ZNF138: variants seen among roughly 807,000 people sequenced by gnomAD.
ZNF138 encodes the protein zinc finger protein 138 (clone pHZ-32).
A neutral mutation model predicts 33.0 loss-of-function variants in ZNF138; 33 were observed. The ratio of observed to expected loss-of-function variants is 1.00; its 90% confidence interval spans 0.76 to 1.34. The LOEUF (loss-of-function observed/expected upper bound fraction) is 1.34, where lower values mean the gene tolerates loss of function less well. Among genes scored for constraint, ZNF138 ranks in the 40% most tolerant of loss-of-function variants. The pLI, the probability that ZNF138 is intolerant of heterozygous loss-of-function variation, is 0.00. For synonymous variants in ZNF138, 139 were observed against 120.4 expected (o/e 1.15, Z -1.01); for missense variants, 360 against 370.8 (o/e 0.97, Z 0.24).
Position 64,832,950 on chromosome 7 carries a change from T to C in ZNF138, c.*748T>C. On this transcript the variant is annotated 3_prime_UTR_variant, in exon 4 of 4. Coordinates refer to ENST00000307355, the MANE Select transcript of ZNF138 (RefSeq NM_001271639.2). ...TGAACGATGTGGCAGTTGTTTTAAC[T>C]AGTTCTCGAACTTTACTATGCATAA... The C allele has an allele frequency of 2.6e-6, 1 of 389,380 alleles. No homozygotes were observed. Among genetic ancestry groups the C allele is most frequent in the South Asian group, 2.1e-5 (1 of 48,720 alleles). 24.1% of individuals were successfully genotyped at this position (389,380 alleles called of 1,614,324 possible). A position where few individuals can be genotyped will look rare whatever the true frequency, so the allele number is the denominator to read the frequency against.
In ZNF138 at chr7:64,813,805, G is replaced by A. The variant is rs535560635; in HGVS notation, c.4-1113G>A. On this transcript the variant is annotated intron_variant, in intron 1 of 3. Transcript: ENST00000307355. ...GGGGCAGTATTGCAGCAGTGATGCCGTGTTTTTCTGTGTGCATCAACACCG... is the reference window on the plus strand; with the variant it reads ...GGGGCAGTATTGCAGCAGTGATGCCATGTTTTTCTGTGTGCATCAACACCG... Among the ~76,000 whole-genome samples the A allele has an allele frequency of 1.1e-4, 17 of 152,176 alleles. 1 individual carries two copies. The South Asian group carries it at 2.7e-3, about 24-fold the overall frequency.
intron 3 of ZNF138, among the ~76,000 whole-genome samples, chr7:64,820,753 A>G (rs1789059419): frequency 6.6e-6 from 1 of 151,354 alleles, no homozygotes; most frequent in African/African-American, 2.5e-5. Flanking sequence ...TAGTAGAGAC[A>G]AGGTTTCACC....
chr7:64,843,121 G>A, the ZNF138 span, among the ~76,000 whole-genome samples: 1 of 152,144 alleles, frequency 6.6e-6, no homozygotes, highest in South Asian at 2.1e-4. Flanking sequence ...TTTTCCTCCA[G>A]GTTAATTCGT....
intron 3 of ZNF138, among the ~76,000 whole-genome samples, chr7:64,823,419 T>C (rs146437239): frequency 1.6e-4 from 25 of 152,138 alleles, no homozygotes; most frequent in Non-Finnish European, 3.1e-4. Context: ...CACTGCAGCC[T>C]CAGCCTCCTG....
chr7:64,794,643 G>A (rs1786541564), intron 1 of ZNF138, 72 bp downstream of exon 1: 6 of 1,607,010 alleles, frequency 3.7e-6, no homozygotes, highest in Non-Finnish European at 4.3e-6. Flanking sequence ...AGTGGCTGTG[G>A]CAGTACTCGG....
chr7:64,818,898 C>T (rs1788891035), intron 3 of ZNF138, among the ~76,000 whole-genome samples: 2 of 152,092 alleles, frequency 1.3e-5, no homozygotes, highest in African/African-American at 4.8e-5. Flanking sequence ...TCAAATATTG[C>T]AGTTATCTGG....
At chr7:64,817,932 A>G (rs967429227) in intron 3 of ZNF138, among the ~76,000 whole-genome samples, 28 of 151,912 alleles carry the variant, frequency 1.8e-4, no homozygotes, top group African/African-American at 6.8e-4. Flanking sequence ...AAGAGGAATT[A>G]CAGGATTTTC....
chr7:64,822,141 G>C (rs1431097969), intron 3 of ZNF138, among the ~76,000 whole-genome samples: 1 of 150,324 alleles, frequency 6.7e-6, no homozygotes, highest in African/African-American at 2.5e-5. Context: ...AGATGGTCTC[G>C]ATCTCCTGAC....
the ZNF138 span, among the ~76,000 whole-genome samples, chr7:64,854,460 T>G: frequency 2.0e-5 from 3 of 152,204 alleles, no homozygotes; most frequent in African/African-American, 7.2e-5. Context: ...AGGCTAGTCT[T>G]GAACTCCTGA....
chr7:64,805,435 C>G (rs915968773), intron 1 of ZNF138, among the ~76,000 whole-genome samples: 6 of 149,000 alleles, frequency 4.0e-5, no homozygotes, highest in African/African-American at 1.2e-4. Context: ...GAGGCTGAAA[C>G]AGTGCTCCTA....
At chr7:64,858,984 G>C in the ZNF138 span, among the ~76,000 whole-genome samples, 1 of 151,860 alleles carries the variant, frequency 6.6e-6, no homozygotes, top group African/African-American at 2.4e-5. Flanking sequence ...TTCTAGTGCA[G>C]TGATGTGATC....
chr7:64,831,811 C>T lies in ZNF138; in HGVS notation c.569C>T (p.Thr190Ile), dbSNP rs1231021213. Residue 190 changes from threonine to isoleucine, a missense_variant, in exon 4 of 4, where the codon ACT becomes ATT. Coordinates refer to ENST00000307355, the MANE Select transcript of ZNF138 (RefSeq NM_001271639.2). ...CTAACTCAACATAAAAAAATTCATA[C>T]TAGAGAGAATTTCTACAAATGTGAA... ...SRLTQHKKIH[T>I]RENFYKCEEC... 3 of 1,613,450 alleles carry T rather than the reference C, an allele frequency of 1.9e-6. No individual in the cohort carries two copies. The highest frequency in any genetic ancestry group is 2.5e-6 in the Non-Finnish European group (3 of 1,179,886).
chr7:64,815,534 T>C, intron 2 of ZNF138, 42 bp from the exon 3 acceptor site: 2 of 1,573,614 alleles, frequency 1.3e-6, no homozygotes, highest in Non-Finnish European at 1.7e-6. Context: ...AGAGTCATGT[T>C]ACTTATTTTT....
chr7:64,797,135 T>A (rs1323666202), intron 1 of ZNF138, among the ~76,000 whole-genome samples: 1 of 151,424 alleles, frequency 6.6e-6, no homozygotes, highest in Non-Finnish European at 1.5e-5. Flanking sequence ...CATGAAAATA[T>A]CAGTTCCTCC....
chr7:64,827,033 T>A (rs980558736), intron 3 of ZNF138, among the ~76,000 whole-genome samples: 3 of 152,184 alleles, frequency 2.0e-5, no homozygotes, highest in Admixed American at 1.3e-4. Context: ...TATATACATT[T>A]ATAATAAAGA....
chr7:64,815,091 CAT>C, intron 2 of ZNF138, 47 bp downstream of exon 2: 2 of 1,333,918 alleles, frequency 1.5e-6, no homozygotes, highest in East Asian at 2.9e-5. Flanking sequence ...CTAAAGGTTT[CAT>C]TTTTTTTTTT....
At chr7:64,821,739 G>A (rs1789160610) in intron 3 of ZNF138, among the ~76,000 whole-genome samples, 1 of 150,902 alleles carries the variant, frequency 6.6e-6, no homozygotes, top group African/African-American at 2.5e-5. Flanking sequence ...TGGAGACAGG[G>A]TTTCACCATG....
At chr7:64,860,386 G>T in the ZNF138 span, among the ~76,000 whole-genome samples, 1 of 152,080 alleles carries the variant, frequency 6.6e-6, no homozygotes, top group Non-Finnish European at 1.5e-5. Flanking sequence ...TTTCTCCTAA[G>T]TGAAACGTGG....
chr7:64,852,920 C>T, the ZNF138 span: 1 of 1,159,926 alleles, frequency 8.6e-7, no homozygotes, highest in South Asian at 1.2e-5. Context: ...GTCTTTAAAA[C>T]CTTGGATAAT....
Sources: gnomAD v4.1 joint callset for allele counts (sites outside exome capture counted in the v4.1 genomes callset) on GRCh38, gnomAD v4.1.1 for gene constraint, MANE v1.5 for transcripts, NCBI Gene and HGNC (gene_info 2026-07-23, HGNC 2026-07-21) for gene names.